Variants in PRKCE observed in about 807,000 individuals in gnomAD.
The protein encoded by PRKCE is protein kinase C epsilon type.
In PRKCE, 16 loss-of-function variants were observed where a neutral mutation model predicts 85.4. The ratio of observed to expected loss-of-function variants is 0.19; its 90% confidence interval spans 0.13 to 0.28. The LOEUF (loss-of-function observed/expected upper bound fraction) is 0.28. PRKCE is among the 10% of genes least tolerant of loss of function. PRKCE has a pLI of 1.00. For missense variants in PRKCE, 573 were observed against 975.2 expected, an observed-to-expected ratio of 0.59 and a Z score of 5.49; for synonymous variants, 388 against 371.5, an observed-to-expected ratio of 1.04 and a Z score of -0.51.
intron 1 of PRKCE, among the ~76,000 whole-genome samples, chr2:45,805,280 A>G (rs1688158031): frequency 6.6e-6 from 1 of 152,180 alleles, no homozygotes; most frequent in Non-Finnish European, 1.5e-5. Flanking sequence ...ACCCAGTTGG[A>G]CAGCATGATT....
intron 10 of PRKCE, among the ~76,000 whole-genome samples, chr2:46,046,954 A>G (rs1480086052): frequency 4.6e-5 from 7 of 152,030 alleles, no homozygotes; most frequent in African/African-American, 1.7e-4. Context: ...TTAAAATCTC[A>G]TCATGCACAG....
intron 2 of PRKCE, among the ~76,000 whole-genome samples, chr2:45,937,409 T>C (rs921220905): frequency 2.0e-5 from 3 of 152,022 alleles, no homozygotes; most frequent in Admixed American, 2.0e-4. Flanking sequence ...GACAATTTGG[T>C]TTTAAGAAAA....
In PRKCE at chr2:46,006,223, A is replaced by C. The variant is rs149154939; in HGVS notation, c.1064-1239A>C. ...TTCCCTTGTAAAGACACATAGAAAA[A>C]CCTTTTCTTCAAGCTTTGCTGTCCC... is the stretch of plus-strand genomic sequence containing the variant. On this transcript the variant is annotated intron_variant, in intron 8 of 14. Coordinates refer to ENST00000306156, the MANE Select transcript of PRKCE (RefSeq NM_005400.3). Among the ~76,000 whole-genome samples the C allele has an allele frequency of 1.7e-3, 261 of 152,292 alleles. 1 individual carries two copies. The highest frequency in any genetic ancestry group is 6.1e-3 in the African/African-American group (254 of 41,554).
intron 1 of PRKCE, among the ~76,000 whole-genome samples, chr2:45,812,644 G>A (rs574110368): frequency 5.5e-4 from 84 of 152,344 alleles, no homozygotes; most frequent in African/African-American, 7.7e-4. Context: ...TATTACGCCC[G>A]TGCCTGGCCC....
intron 2 of PRKCE, among the ~76,000 whole-genome samples, chr2:45,848,874 A>G (rs1474611160): frequency 6.6e-6 from 1 of 152,242 alleles, no homozygotes; most frequent in Non-Finnish European, 1.5e-5. Context: ...ATAACCCAGG[A>G]AAACTTCAAG....
intron 1 of PRKCE, among the ~76,000 whole-genome samples, chr2:45,662,070 T>G (rs1202355696): frequency 4.6e-5 from 7 of 152,122 alleles, no homozygotes. Flanking sequence ...GCTCAAATAG[T>G]CAGTATTCTT....
intron 10 of PRKCE, among the ~76,000 whole-genome samples, chr2:46,019,134 T>C (rs1706421313): frequency 6.6e-6 from 1 of 152,290 alleles, no homozygotes; most frequent in South Asian, 2.1e-4. Context: ...CAGCAGGTCT[T>C]TGAATAACCT....
At chr2:45,801,261 A>G (rs1687845492) in intron 1 of PRKCE, among the ~76,000 whole-genome samples, 1 of 152,094 alleles carries the variant, frequency 6.6e-6, no homozygotes, top group South Asian at 2.1e-4. Flanking sequence ...TGGCCAGGAA[A>G]ATTTGAATTT....
At chr2:46,164,142 A>G (rs1234764274) in intron 14 of PRKCE, among the ~76,000 whole-genome samples, 2 of 152,208 alleles carry the variant, frequency 1.3e-5, no homozygotes, top group Non-Finnish European at 2.9e-5. Context: ...GAAGAGGGAA[A>G]ACTGGTTTAG....
chr2:45,802,665 C>G (rs1025248329), intron 1 of PRKCE, among the ~76,000 whole-genome samples: 14 of 152,214 alleles, frequency 9.2e-5, no homozygotes, highest in African/African-American at 2.9e-4. Flanking sequence ...GAATGCTCCA[C>G]TCCGCCCCAC....
intron 10 of PRKCE, among the ~76,000 whole-genome samples, chr2:46,038,374 G>A (rs1215329410): frequency 1.3e-5 from 2 of 151,936 alleles, no homozygotes; most frequent in African/African-American, 4.8e-5. Context: ...AGTTTTCCCC[G>A]ATCTTATCAT....
chr2:46,127,303 A>G (rs1217621714), intron 11 of PRKCE, among the ~76,000 whole-genome samples: 1 of 152,262 alleles, frequency 6.6e-6, no homozygotes, highest in African/African-American at 2.4e-5. Flanking sequence ...TTTTAGTAAT[A>G]TGTTTGATGT....
chr2:46,060,571 T>G (rs1667013755), intron 10 of PRKCE, among the ~76,000 whole-genome samples: 1 of 152,090 alleles, frequency 6.6e-6, no homozygotes. Context: ...AAAGCAGTCC[T>G]TCCCTCCAGG....
intron 10 of PRKCE, among the ~76,000 whole-genome samples, chr2:46,063,726 C>A (rs1007160453): frequency 1.3e-5 from 2 of 152,188 alleles, no homozygotes; most frequent in African/African-American, 4.8e-5. Flanking sequence ...TTTTGCTAGA[C>A]CAATCGCCAC....
intron 1 of PRKCE, among the ~76,000 whole-genome samples, chr2:45,797,961 C>T (rs549736290): frequency 6.6e-5 from 10 of 152,314 alleles, no homozygotes; most frequent in African/African-American, 2.2e-4. Context: ...TGAGTTCCTT[C>T]GCCAAAACCC....
At chr2:45,988,379 G>T (rs1200072939) in intron 6 of PRKCE, among the ~76,000 whole-genome samples, 1 of 152,228 alleles carries the variant, frequency 6.6e-6, no homozygotes, top group Non-Finnish European at 1.5e-5. Flanking sequence ...TTCAAGCATT[G>T]TGTGTGTACC....
chr2:46,129,209 A>C (rs1162504833), intron 11 of PRKCE, among the ~76,000 whole-genome samples: 1 of 152,204 alleles, frequency 6.6e-6, no homozygotes, highest in Non-Finnish European at 1.5e-5. Flanking sequence ...GCTCATCAGC[A>C]CCGTCAGTGA....
chr2:45,976,049 C>G (rs552958477), intron 2 of PRKCE, among the ~76,000 whole-genome samples: 1 of 152,192 alleles, frequency 6.6e-6, no homozygotes, highest in African/African-American at 2.4e-5. Context: ...GGAGGAAACA[C>G]CACCTATCCA....
At chr2:45,859,955 C>T (rs1055203651) in intron 2 of PRKCE, among the ~76,000 whole-genome samples, 1 of 152,174 alleles carries the variant, frequency 6.6e-6, no homozygotes, top group Non-Finnish European at 1.5e-5. Context: ...GTCTAGTTTT[C>T]TTTCTATCGT....
Sources: allele counts gnomAD v4.1 joint callset (sites outside exome capture counted in the v4.1 genomes callset), GRCh38; gene constraint gnomAD v4.1.1; transcripts MANE v1.5; gene names NCBI Gene and HGNC (gene_info 2026-07-23, HGNC 2026-07-21).